E2F2: variants seen among roughly 807,000 people sequenced by gnomAD.
E2F2 encodes transcription factor E2F2.
In E2F2, 22 loss-of-function variants were observed where a neutral mutation model predicts 42.2. The ratio of observed to expected loss-of-function variants is 0.52; its 90% confidence interval spans 0.37 to 0.74. The LOEUF (loss-of-function observed/expected upper bound fraction) is 0.74, where lower values mean the gene tolerates loss of function less well. Ranked by LOEUF, E2F2 falls within the 30% of genes least tolerant of loss-of-function variation. The probability of loss-of-function intolerance (pLI) is 0.00; values close to 1 mark genes in which losing one functional copy is unlikely to be tolerated. For synonymous variants in E2F2, 248 were observed against 251.6 expected (o/e 0.99, Z 0.13); for missense variants, 481 against 557.8 (o/e 0.86, Z 1.39).
intron 6 of E2F2, among the ~76,000 whole-genome samples, chr1:23,514,622 G>A (rs1642980698): frequency 6.6e-6 from 1 of 150,834 alleles, no homozygotes; most frequent in Non-Finnish European, 1.5e-5. Context: ...GAGGTCAAGG[G>A]TTCAAGACCA....
Position 23,519,106 on chromosome 1 carries a change from A to G in E2F2, c.762T>C (p.Asp254=), listed in dbSNP as rs751675843. 1.9e-5 allele frequency: 30 copies of G among 1,613,950 alleles called. No homozygotes were observed. The highest frequency in any genetic ancestry group is 2.5e-5 in the Non-Finnish European group (29 of 1,179,918). ...NKRLAYVTYQ[D]IRAVGNFKEQ... ...CCTTAAAGTTGCCAACAGCACGGAT[A>G]TCCTGGTAAGTCACATAGGCCAGCG... Residue 254 remains aspartate (D), a synonymous_variant, in exon 5 of 7, where the codon GAT becomes GAC. Transcript: ENST00000361729.
At chr1:23,526,258 T>C (rs1250553823) in intron 1 of E2F2, among the ~76,000 whole-genome samples, 1 of 152,322 alleles carries the variant, frequency 6.6e-6, no homozygotes, top group East Asian at 1.9e-4. Flanking sequence ...AGTCACTGGC[T>C]GAGACCTTCC....
rs905831207 is a variant in E2F2 at position 23,521,081 on chromosome 1, G to A, written c.579-10C>T. ...AAACATTCCCCTGCCTCTGGGAACA[G>A]AGCAGCCCCCCAGTGTCAGTCTGTG... On this transcript the variant is annotated splice_polypyrimidine_tract_variant and intron_variant, in intron 3 of 6. Coordinates refer to ENST00000361729, the MANE Select transcript of E2F2 (RefSeq NM_004091.4). 4 of 1,604,052 alleles carry A rather than the reference G, an allele frequency of 2.5e-6. No homozygotes were observed. The highest frequency in any genetic ancestry group is 1.1e-5 in the South Asian group (1 of 89,560).
intron 1 of E2F2, among the ~76,000 whole-genome samples, chr1:23,527,674 G>A (rs1001921534): frequency 3.3e-5 from 5 of 152,222 alleles, no homozygotes; most frequent in African/African-American, 1.2e-4. Context: ...GTAAGGGGTC[G>A]AACCTTGCTT....
At chr1:23,522,889 C>A (rs1234171457) in intron 2 of E2F2, among the ~76,000 whole-genome samples, 1 of 152,176 alleles carries the variant, frequency 6.6e-6, no homozygotes, top group Non-Finnish European at 1.5e-5. Flanking sequence ...ATTTTAGAGT[C>A]TTAGGTTCCT....
chr1:23,505,383 A>C (rs1452879868), downstream of E2F2, among the ~76,000 whole-genome samples: 1 of 152,210 alleles, frequency 6.6e-6, no homozygotes, highest in African/African-American at 2.4e-5. Flanking sequence ...AAGTGTAGAA[A>C]GATCTCTCTG....
In E2F2 at chr1:23,524,400, C is replaced by A. The variant is rs760507580; in HGVS notation, c.341G>T (p.Gly114Val). Reference protein sequence around the residue: ...TPKGKCIRVDGLPSPKTPKSP... With the variant: ...TPKGKCIRVDVLPSPKTPKSP... The stretch of plus-strand genomic sequence containing the variant: ...CTGCTTACTTTTGGGGCTGGGGAGG[C>A]CATCCACTCTGATGCACTTCCCCTT... Residue 114 changes from glycine to valine, a missense_variant, in exon 2 of 7, where the codon GGC (glycine) becomes GTC (valine). Transcript: ENST00000361729. 1.1e-5 allele frequency: 17 copies of A among 1,610,818 alleles called. No individual in the cohort carries two copies. Among genetic ancestry groups the A allele is most frequent in the Non-Finnish European group, 1.4e-5 (16 of 1,178,570 alleles).
At chr1:23,513,631 GAACC>G (rs1410163939) in intron 6 of E2F2, among the ~76,000 whole-genome samples, 2 of 148,766 alleles carry the variant, frequency 1.3e-5, no homozygotes, top group East Asian at 4.0e-4. Flanking sequence ...AGAATCCCTT[GAACC>G]TGGGAGGCGG....
rs1369826856 is a variant in E2F2 at position 23,530,937 on chromosome 1, G to T, written c.-144C>A. ...AATGGACGCCTGCGGGGCAAGGCCG[G>T]ACCCTCCCCTCCTGGCCCGCGGCCG... On this transcript the variant is annotated 5_prime_UTR_variant, in exon 1 of 7. Transcript: ENST00000361729. The surrounding 1 kb of genome is among the most constrained non-coding windows in gnomAD (Gnocchi z 4.4). 9.3e-7 allele frequency: 1 copy of T among 1,079,774 alleles called. No homozygotes were observed. Among genetic ancestry groups the T allele is most frequent in the Non-Finnish European group, 1.3e-6 (1 of 795,814 alleles). 66.9% of individuals were successfully genotyped at this position (1,079,774 alleles called of 1,614,324 possible). A position where few individuals can be genotyped will look rare whatever the true frequency, so the allele number is the denominator to read the frequency against.
rs762222596 is a variant in E2F2, at chr1:23,530,578, G to A, written c.216C>T (p.Gly72=). ...CLDATPHGPE[G]QVVRCLPAGR... is the part of the protein sequence containing the mutation. ...CTGCCGGCAGGCATCGCACAACTTG[G>A]CCCTCGGGTCCGTGGGGAGTGGCGT... Residue 72 remains glycine (G), a synonymous_variant, in exon 1 of 7, where the codon GGC becomes GGT. Coordinates refer to ENST00000361729, the MANE Select transcript of E2F2 (RefSeq NM_004091.4). The surrounding 1 kb of genome is among the most constrained non-coding windows in gnomAD (Gnocchi z 4.4). The A allele has an allele frequency of 1.1e-5, 18 of 1,612,404 alleles. No individual in the cohort carries two copies. Among genetic ancestry groups the A allele is most frequent in the African/African-American group, 6.7e-5 (5 of 74,926 alleles).
Position 23,530,152 on chromosome 1 carries a change from G to A in E2F2, c.252+390C>T, listed in dbSNP as rs772601872. On this transcript the variant is annotated intron_variant, in intron 1 of 6. Coordinates refer to ENST00000361729, the MANE Select transcript of E2F2 (RefSeq NM_004091.4). The surrounding 1 kb of genome is among the most constrained non-coding windows in gnomAD (Gnocchi z 4.4). The stretch of plus-strand genomic sequence containing the variant: ...TACCAAAGTCCCACAGTGTCCCCAG[G>A]CCATACTCTTTGCCTGGACAATAGC... 3.9e-5 allele frequency among the ~76,000 whole-genome samples: 6 copies of A among 152,260 alleles called. No homozygotes were observed. The South Asian group carries it at 1.2e-3, about 32-fold the overall frequency.
intron 1 of E2F2, among the ~76,000 whole-genome samples, chr1:23,526,857 A>G (rs952286214): frequency 1.3e-5 from 2 of 151,560 alleles, no homozygotes; most frequent in African/African-American, 4.9e-5. Context: ...ACTTGCACAC[A>G]CACACACACA....
In E2F2 at chr1:23,508,618, C is replaced by T. The variant is rs1225903007; in HGVS notation, c.*1262G>A. The T allele has an allele frequency of 6.6e-6, 1 of 152,274 alleles. No individual in the cohort carries two copies. Among genetic ancestry groups the T allele is most frequent in the Non-Finnish European group, 1.5e-5 (1 of 68,084 alleles). 9.4% of individuals were successfully genotyped at this position (152,274 alleles called of 1,614,324 possible). A position where few individuals can be genotyped will look rare whatever the true frequency, so the allele number is the denominator to read the frequency against. On this transcript the variant is annotated 3_prime_UTR_variant, in exon 7 of 7. Coordinates refer to ENST00000361729, the MANE Select transcript of E2F2 (RefSeq NM_004091.4). ...CAGAGGTAACATGAGTTCCTCTCCC[C>T]ATTAGCTGTGAAGGCCTGGTCTGCC...
intron 5 of E2F2, among the ~76,000 whole-genome samples, chr1:23,517,758 G>A (rs1053765016): frequency 1.3e-5 from 2 of 152,226 alleles, no homozygotes; most frequent in Non-Finnish European, 2.9e-5. Context: ...GAAGTCTGGA[G>A]GTAATCAGAG....
At chr1:23,524,100 AC>A (rs1344459247) in intron 2 of E2F2, among the ~76,000 whole-genome samples, 1,756 of 146,104 alleles carry the variant, frequency 0.012, 65 homozygotes, top group African/African-American at 0.04. Flanking sequence ...AACAACAACA[AC>A]AACAAAAAAA....
chr1:23,513,851 C>T (rs1570456602), intron 6 of E2F2, among the ~76,000 whole-genome samples: 2 of 152,022 alleles, frequency 1.3e-5, no homozygotes, highest in Admixed American at 1.3e-4. Context: ...CGGCTGGGCT[C>T]GGTGGCTCAC....
chr1:23,515,597 G>A (rs1411641337), intron 6 of E2F2, among the ~76,000 whole-genome samples: 1 of 152,128 alleles, frequency 6.6e-6, no homozygotes, highest in Non-Finnish European at 1.5e-5. Context: ...TGTTGCCCAG[G>A]CTGGTCTTGA....
intron 6 of E2F2, 22 bp downstream of exon 6, chr1:23,516,313 T>A: frequency 2.7e-6 from 4 of 1,475,810 alleles, no homozygotes; most frequent in Non-Finnish European, 2.7e-6. Flanking sequence ...CCACCTCCTG[T>A]CCCTCTGGAC....
At position 23,522,023 on chromosome 1, in the gene E2F2, T is replaced by G. The variant is rs2124248353; in HGVS notation, c.392A>C (p.Asp131Ala). The G allele has an allele frequency of 6.2e-7, 1 of 1,614,086 alleles. No homozygotes were observed. The highest frequency in any genetic ancestry group is 1.7e-4 in the Middle Eastern group (1 of 6,060). The change falls in exon 3 of 7, where the codon GAC (aspartate) becomes GCC (alanine). Residue 131 changes from aspartate to alanine, a missense_variant. Transcript: ENST00000361729. Reference sequence around the variant, plus strand: ...CTTGGTGAGCAGCCCCAGCGAAGTGTCATACCGAGTCTTCTCCCCGGGGGA... The same window carrying G: ...CTTGGTGAGCAGCCCCAGCGAAGTGGCATACCGAGTCTTCTCCCCGGGGGA... The part of the protein sequence containing the change: ...PKSPGEKTRY[D>A]TSLGLLTKKF...
Sources: gnomAD v4.1 joint callset for allele counts (sites outside exome capture counted in the v4.1 genomes callset) on GRCh38, gnomAD v4.1.1 for gene constraint, Gnocchi (gnomAD v3.1) non-coding constraint, MANE v1.5 for transcripts, NCBI Gene and HGNC (gene_info 2026-07-23, HGNC 2026-07-21) for gene names.